The following MAN2B2 variants were observed in gnomAD, a reference collection of about 807,000 sequenced individuals.
The protein encoded by MAN2B2 is mannosidase alpha class 2B member 2, also known as epididymis-specific alpha-mannosidase.
A neutral mutation model predicts 117.1 loss-of-function variants in MAN2B2; 106 were observed. The observed-to-expected ratio is 0.90, with a 90% CI of 0.77 to 1.06. The LOEUF (loss-of-function observed/expected upper bound fraction) is 1.06. MAN2B2 is among the 50% of genes least tolerant of loss of function. The pLI, the probability that MAN2B2 is intolerant of heterozygous loss-of-function variation, is 0.00. For synonymous variants in MAN2B2, 544 were observed against 595.1 expected (o/e 0.91, Z 1.25); for missense variants, 1,326 against 1,381.4 (o/e 0.96, Z 0.64).
In MAN2B2 at chr4:6,576,611, A is replaced by G; in HGVS notation, c.172A>G (p.Thr58Ala). 1.2e-6 allele frequency: 2 copies of G among 1,612,774 alleles called. No individual in the cohort carries two copies. The highest frequency in any genetic ancestry group is 1.7e-6 in the Non-Finnish European group (2 of 1,179,488). The part of the protein sequence containing the change: ...SMRAYAANVY[T>A]SVVEELARGQ... ...GCGGGCGTACGCCGCCAATGTCTACACCTCAGTGGTGGAAGAGCTGGCCCG... is the reference window on the plus strand; with the variant it reads ...GCGGGCGTACGCCGCCAATGTCTACGCCTCAGTGGTGGAAGAGCTGGCCCG... Residue 58 changes from threonine to alanine, a missense_variant, in exon 2 of 19, where the codon ACC becomes GCC. Coordinates refer to ENST00000285599, the MANE Select transcript of MAN2B2 (RefSeq NM_015274.3).
At chr4:6,589,211 C>A (rs1726765883) in intron 5 of MAN2B2, 51 bp downstream of exon 5, 2 of 1,330,686 alleles carry the variant, frequency 1.5e-6, no homozygotes, top group Non-Finnish European at 2.2e-6. Context: ...AGGGTCTGCC[C>A]AGCCCCTGCA....
chr4:6,578,346 C>A, intron 2 of MAN2B2, 47 bp from the exon 3 acceptor site: 1 of 1,447,142 alleles, frequency 6.9e-7, no homozygotes, highest in Non-Finnish European at 9.6e-7. Context: ...CCCAGCCATG[C>A]TCAGGAGCCG....
intron 5 of MAN2B2, among the ~76,000 whole-genome samples, chr4:6,592,457 T>A (rs1057311422): frequency 1.3e-5 from 2 of 152,060 alleles, no homozygotes; most frequent in Non-Finnish European, 2.9e-5. Flanking sequence ...CGTCTCTACA[T>A]AAAATTCAAA....
intron 11 of MAN2B2, among the ~76,000 whole-genome samples, chr4:6,606,929 T>C (rs756487025): frequency 1.7e-4 from 26 of 152,186 alleles, no homozygotes; most frequent in Admixed American, 3.3e-4. Flanking sequence ...TGTAACAGCT[T>C]GACTGAGATG....
chr4:6,617,247 G>A, intron 16 of MAN2B2, 133 bp from the exon 17 acceptor site: 1 of 650,150 alleles, frequency 1.5e-6, no homozygotes, highest in East Asian at 2.7e-5. Flanking sequence ...TTTGGTTGGG[G>A]ACACAGCCAA....
rs1479509636 is a variant in MAN2B2, at chr4:6,605,348, T to C, written c.1814+19T>C. The C allele has an allele frequency of 6.3e-7, 1 of 1,593,718 alleles. No individual in the cohort carries two copies. Among genetic ancestry groups the C allele is most frequent in the East Asian group, 2.2e-5 (1 of 44,452 alleles). On this transcript the variant is annotated intron_variant, in intron 11 of 18. Transcript: ENST00000285599. ...GGGAGAGGTAAGGTGCAGCCATTGCTGTCTCTGAGGCACAGGCATGCCTGG... is the reference window on the plus strand; with the variant it reads ...GGGAGAGGTAAGGTGCAGCCATTGCCGTCTCTGAGGCACAGGCATGCCTGG...
chr4:6,601,743 A>G (rs549521246), intron 10 of MAN2B2, among the ~76,000 whole-genome samples: 42 of 152,328 alleles, frequency 2.8e-4, no homozygotes, highest in African/African-American at 9.4e-4. Flanking sequence ...GGAAGTTCCA[A>G]TGGTTTTAGG....
chr4:6,599,137 C>T (rs1489625536), intron 9 of MAN2B2, among the ~76,000 whole-genome samples: 8 of 152,210 alleles, frequency 5.3e-5, no homozygotes, highest in African/African-American at 9.6e-5. Context: ...CGCTGTGTCA[C>T]CTAGGCTGGA....
chr4:6,598,283 G>T lies in MAN2B2; in HGVS notation c.1334G>T (p.Gly445Val). 1 of 1,613,664 alleles carries T rather than the reference G, an allele frequency of 6.2e-7. No homozygotes were observed. Among genetic ancestry groups the T allele is most frequent in the East Asian group, 2.2e-5 (1 of 44,874 alleles). The change falls in exon 9 of 19, where the codon GGC becomes GTC. Residue 445 changes from glycine to valine, a missense_variant. Transcript: ENST00000285599. ...YATHLASGML[G>V]MRKLMASIVL... is the part of the protein sequence containing the mutation. ...ACGCACCTGGCCTCGGGGATGCTGG[G>T]CATGCGCAAGCTGATGGCCTCCATC... is the stretch of plus-strand genomic sequence containing the variant.
At chr4:6,583,054 C>G (rs1188216736) in intron 3 of MAN2B2, among the ~76,000 whole-genome samples, 1 of 152,232 alleles carries the variant, frequency 6.6e-6, no homozygotes, top group Non-Finnish European at 1.5e-5. Flanking sequence ...ATCCACGTTG[C>G]TTCCATCTTG....
chr4:6,592,917 C>A lies in MAN2B2; in HGVS notation c.681-256C>A, dbSNP rs114196572. ...ACCCCCATAAATTTTGTGCCCTAGG[C>A]CAGGGCCTCACTTGCCTCACCAAGC... On this transcript the variant is annotated intron_variant, in intron 5 of 18. Coordinates refer to ENST00000285599, the MANE Select transcript of MAN2B2 (RefSeq NM_015274.3). 3.0e-3 allele frequency among the ~76,000 whole-genome samples: 462 copies of A among 152,322 alleles called. 3 individuals carry two copies. The highest frequency in any genetic ancestry group is 0.011 in the African/African-American group (446 of 41,570).
In MAN2B2 at chr4:6,609,986, A is replaced by G; in HGVS notation, c.2195A>G (p.Asp732Gly). ...NLNSQQVIYS[D>G]NNGYQMQRRP... The stretch of plus-strand genomic sequence containing the variant: ...AACAGCCAGCAGGTCATCTACTCAG[A>G]CAACAACGGCTACCAGATGCAGCGG... The change falls in exon 13 of 19, where the codon GAC becomes GGC. Residue 732 changes from aspartate to glycine, a missense_variant. By Grantham distance (94) the Asp-to-Gly change is moderately conservative. Transcript: ENST00000285599. The G allele has an allele frequency of 6.2e-7, 1 of 1,614,156 alleles. No individual in the cohort carries two copies. The highest frequency in any genetic ancestry group is 8.5e-7 in the Non-Finnish European group (1 of 1,180,022).
At chr4:6,583,151 G>A (rs1249081301) in intron 3 of MAN2B2, among the ~76,000 whole-genome samples, 18 of 152,192 alleles carry the variant, frequency 1.2e-4, no homozygotes, top group Admixed American at 1.2e-3. Context: ...AGCAGCTAGG[G>A]GATAGGGAAT....
rs754029376 is a variant in MAN2B2, at chr4:6,619,941, G to A, written c.2829G>A (p.Ala943=). ...VTVNLEAVLQ[A]LGSVVAVEER... ...TCTCCCTGCAGGCTGTGCTGCAGGC[G>A]CTGGGGTCCGTGGTGGCAGTGGAGG... Residue 943 remains alanine, a synonymous_variant, in exon 18 of 19, where the codon GCG becomes GCA. Transcript: ENST00000285599. 102 of 1,613,606 alleles carry A rather than the reference G, an allele frequency of 6.3e-5. No homozygotes were observed. The highest frequency in any genetic ancestry group is 3.4e-4 in the South Asian group (31 of 91,066).
chr4:6,586,944 G>A lies in MAN2B2; in HGVS notation c.392-52G>A, dbSNP rs371488333. 3.3e-5 allele frequency: 51 copies of A among 1,566,370 alleles called. No homozygotes were observed. The East Asian group carries it at 1.1e-3, about 32-fold the overall frequency. On this transcript the variant is annotated intron_variant, in intron 3 of 18. Transcript: ENST00000285599. ...GTCCCCTGGGGTGAGGATGGGGCCGGGAGGCACAGGCCCGCCCTCCAGGCA... is the reference window on the plus strand; with the variant it reads ...GTCCCCTGGGGTGAGGATGGGGCCGAGAGGCACAGGCCCGCCCTCCAGGCA...
At chr4:6,593,863 A>G (rs1726960688) in intron 6 of MAN2B2, among the ~76,000 whole-genome samples, 1 of 152,172 alleles carries the variant, frequency 6.6e-6, no homozygotes, top group Non-Finnish European at 1.5e-5. Flanking sequence ...GCAGGCTGGT[A>G]TCCATTTCAC....
chr4:6,608,864 C>A (rs1164646777), intron 11 of MAN2B2, among the ~76,000 whole-genome samples: 1 of 152,198 alleles, frequency 6.6e-6, no homozygotes, highest in Non-Finnish European at 1.5e-5. Flanking sequence ...GCTGACGGCT[C>A]ACGGTTCCTG....
chr4:6,621,500 CA>C lies in MAN2B2; in HGVS notation c.*217del. 1 of 535,504 alleles carries C rather than the reference CA, an allele frequency of 1.9e-6. No individual in the cohort carries two copies. 33.2% of individuals were successfully genotyped at this position (535,504 alleles called of 1,614,324 possible). ...GATCCAGGTTCTTCCCCCCCACACT[CA>C]ATCAAGCCAGCCCTCTCCTCTTCTG... On this transcript the variant is annotated 3_prime_UTR_variant, in exon 19 of 19. Transcript: ENST00000285599.
intron 10 of MAN2B2, among the ~76,000 whole-genome samples, chr4:6,604,611 A>G (rs1247281057): frequency 6.6e-6 from 1 of 151,622 alleles, no homozygotes; most frequent in African/African-American, 2.4e-5. Context: ...TGCTGCAGGG[A>G]GCAGATTTGG....
Sources: gnomAD v4.1 joint callset for allele counts (sites outside exome capture counted in the v4.1 genomes callset) on GRCh38, gnomAD v4.1.1 for gene constraint, MANE v1.5 for transcripts, NCBI Gene and HGNC (gene_info 2026-07-23, HGNC 2026-07-21) for gene names.